The following FRMD6 variants were observed in gnomAD, a reference collection of about 807,000 sequenced individuals.
FRMD6 encodes FERM domain containing 6.
A neutral mutation model predicts 73.2 loss-of-function variants in FRMD6; 37 were observed. That is an observed-to-expected ratio of 0.51 (90% CI 0.39 to 0.66). FRMD6 has a LOEUF of 0.66. FRMD6 is among the 30% of genes least tolerant of loss of function. The pLI, the probability that FRMD6 is intolerant of heterozygous loss-of-function variation, is 0.00. For synonymous variants in FRMD6, 273 were observed against 282.2 expected (o/e 0.97, Z 0.33); for missense variants, 714 against 780.5 (o/e 0.91, Z 1.02).
At position 51,704,818 on chromosome 14, in the gene FRMD6, C is replaced by G. The variant is rs1402122781; in HGVS notation, c.441C>G (p.Leu147=). The G allele has an allele frequency of 1.2e-6, 2 of 1,613,416 alleles. No homozygotes were observed. The highest frequency in any genetic ancestry group is 1.7e-6 in the Non-Finnish European group (2 of 1,179,620). The change falls in exon 6 of 14, where the codon CTC becomes CTG. Residue 147 remains leucine, a synonymous_variant. Transcript: ENST00000344768. ...RKQVLHSQCV[L]REEAYFLLAA... The stretch of plus-strand genomic sequence containing the variant: ...AAGTTCTTCATTCTCAGTGTGTGCT[C>G]CGAGAGGAGGCCTACTTCCTGCTGG...
At chr14:51,603,241 A>G (rs901388316) in intron 2 of FRMD6, among the ~76,000 whole-genome samples, 1 of 129,986 alleles carries the variant, frequency 7.7e-6, no homozygotes, top group East Asian at 2.7e-4. Context: ...AAAAATTTCT[A>G]TGGTTTATAA....
intron 1 of FRMD6, among the ~76,000 whole-genome samples, chr14:51,546,341 T>C (rs1024493526): frequency 4.0e-5 from 6 of 151,762 alleles, no homozygotes; most frequent in African/African-American, 9.7e-5. Context: ...CTCCAAACTC[T>C]GCCTTTAAAG....
intron 1 of FRMD6, among the ~76,000 whole-genome samples, chr14:51,520,272 G>A (rs1447854063): frequency 6.6e-6 from 1 of 152,140 alleles, no homozygotes; most frequent in Non-Finnish European, 1.5e-5. Context: ...ATACCACAAT[G>A]AAATATCATT....
chr14:51,525,031 TGG>T (rs1885154925), intron 1 of FRMD6, among the ~76,000 whole-genome samples: 1 of 146,638 alleles, frequency 6.8e-6, no homozygotes, highest in African/African-American at 2.5e-5. Context: ...GGTGGGTGGA[TGG>T]AGAGAAAGAG....
chr14:51,711,576 A>AG lies in FRMD6; in HGVS notation c.764dup (p.Ile256AsnfsTer9). On this transcript the variant is annotated frameshift_variant, in exon 8 of 14. Transcript: ENST00000344768. LOFTEE classifies it high-confidence loss of function. ...ATCGCTGACTCTTGGATTGACCATGAGGGGAATACAGATTTTTCAGGTTGG... is the reference window on the plus strand; with the variant it reads ...ATCGCTGACTCTTGGATTGACCATGAGGGGGAATACAGATTTTTCAGGTTGG... The AG allele has an allele frequency of 1.2e-6, 2 of 1,606,754 alleles. No homozygotes were observed. Among genetic ancestry groups the AG allele is most frequent in the Non-Finnish European group, 1.7e-6 (2 of 1,174,118 alleles).
chr14:51,642,765 T>C (rs1043634201), intron 2 of FRMD6, among the ~76,000 whole-genome samples: 2 of 152,132 alleles, frequency 1.3e-5, no homozygotes, highest in African/African-American at 4.8e-5. Context: ...GAGGAATAAT[T>C]TGAATGTAAA....
chr14:51,725,355 A>G (rs1566602167), intron 12 of FRMD6, among the ~76,000 whole-genome samples: 1 of 152,142 alleles, frequency 6.6e-6, no homozygotes, highest in Non-Finnish European at 1.5e-5. Context: ...TATACATCCA[A>G]GCCGAACCAA....
chr14:51,462,657 A>G, the FRMD6 span, among the ~76,000 whole-genome samples: 2 of 152,210 alleles, frequency 1.3e-5, no homozygotes, highest in Non-Finnish European at 2.9e-5. Context: ...AGATAAGGAA[A>G]GGCTTGGTCT....
At chr14:51,484,544 G>T (rs1882727217), upstream of FRMD6, among the ~76,000 whole-genome samples, 1 of 152,168 alleles carries the variant, frequency 6.6e-6, no homozygotes. Context: ...TGGAGACAGG[G>T]CCCTGGAACC....
chr14:51,472,831 T>C, the FRMD6 span, among the ~76,000 whole-genome samples: 20 of 152,310 alleles, frequency 1.3e-4, no homozygotes, highest in East Asian at 3.9e-3. Flanking sequence ...CCAGGAATCT[T>C]TGTTTAGCCA....
chr14:51,710,849 GT>G (rs960551722), intron 7 of FRMD6, among the ~76,000 whole-genome samples: 11 of 151,458 alleles, frequency 7.3e-5, no homozygotes, highest in Non-Finnish European at 1.5e-4. Flanking sequence ...AATTGTGGAG[GT>G]TTTTTTTTCC....
At chr14:51,508,822 C>T (rs1884126443) in intron 1 of FRMD6, among the ~76,000 whole-genome samples, 1 of 152,164 alleles carries the variant, frequency 6.6e-6, no homozygotes, top group Non-Finnish European at 1.5e-5. Flanking sequence ...ATGTTCTCTG[C>T]CTTGACTTGT....
At chr14:51,673,754 A>G (rs1197321153) in intron 1 of FRMD6, among the ~76,000 whole-genome samples, 1 of 152,180 alleles carries the variant, frequency 6.6e-6, no homozygotes, top group Non-Finnish European at 1.5e-5. Flanking sequence ...TTGCATAATT[A>G]TGTGTGGAAT....
chr14:51,607,584 C>T (rs1890314312), intron 2 of FRMD6, among the ~76,000 whole-genome samples: 1 of 152,196 alleles, frequency 6.6e-6, no homozygotes, highest in East Asian at 1.9e-4. Context: ...CTCCCTCCCT[C>T]CCCCATACCA....
intron 1 of FRMD6, among the ~76,000 whole-genome samples, chr14:51,504,980 T>C (rs1433560279): frequency 6.6e-6 from 1 of 152,210 alleles, no homozygotes; most frequent in African/African-American, 2.4e-5. Flanking sequence ...GGTCCTAGGC[T>C]TACATCTGGC....
chr14:51,672,558 T>A (rs999432244), intron 1 of FRMD6, among the ~76,000 whole-genome samples: 45 of 152,358 alleles, frequency 3.0e-4, no homozygotes, highest in African/African-American at 1.1e-3. Flanking sequence ...CTCAGTTCTT[T>A]AGGATGCACT....
intron 1 of FRMD6, among the ~76,000 whole-genome samples, chr14:51,535,155 G>A (rs1022629644): frequency 1.3e-5 from 2 of 151,898 alleles, no homozygotes; most frequent in South Asian, 2.1e-4. Flanking sequence ...TGGCTTCCAG[G>A]GTCCTCAAAC....
rs767392236 is a variant in FRMD6, at chr14:51,722,003, C to T, written c.1415C>T (p.Ser472Phe). ...PRDLEQMNEE[S>F]LEVSPDMCIY... ...GATCTGGAGCAGATGAATGAAGAGT[C>T]TCTGGAAGTCAGCCCAGACATGTGC... The change falls in exon 12 of 14, where the codon TCT becomes TTT. Residue 472 changes from serine (S) to phenylalanine (F), a missense_variant. Ser to Phe is a radical substitution (Grantham distance 155). Coordinates refer to ENST00000344768, the MANE Select transcript of FRMD6 (RefSeq NM_001267046.2). 6 of 1,614,072 alleles carry T rather than the reference C, an allele frequency of 3.7e-6. No individual in the cohort carries two copies. Among genetic ancestry groups the T allele is most frequent in the Non-Finnish European group, 5.1e-6 (6 of 1,179,988 alleles).
the FRMD6 span, among the ~76,000 whole-genome samples, chr14:51,460,370 T>G: frequency 6.6e-6 from 1 of 152,220 alleles, no homozygotes; most frequent in Non-Finnish European, 1.5e-5. Flanking sequence ...TCAGGGACTT[T>G]GCATTGTTTC....
Sources: gnomAD v4.1 joint callset for allele counts (sites outside exome capture counted in the v4.1 genomes callset) on GRCh38, gnomAD v4.1.1 for gene constraint, MANE v1.5 for transcripts, NCBI Gene and HGNC (gene_info 2026-07-23, HGNC 2026-07-21) for gene names.